Variants in APOL5 observed in about 807,000 individuals in gnomAD.
APOL5 encodes the protein apolipoprotein L5.
APOL5 carries 29 observed loss-of-function variants against 35.5 expected under a neutral mutation model. The ratio of observed to expected loss-of-function variants is 0.82; its 90% confidence interval spans 0.61 to 1.11. The LOEUF (loss-of-function observed/expected upper bound fraction) is 1.11. Ranked by LOEUF, APOL5 falls within the 50% of genes most tolerant of loss-of-function variation. The pLI, the probability that APOL5 is intolerant of heterozygous loss-of-function variation, is 0.00. For missense variants in APOL5, 514 were observed against 530.4 expected, an observed-to-expected ratio of 0.97 and a Z score of 0.30; for synonymous variants, 188 against 200.2, an observed-to-expected ratio of 0.94 and a Z score of 0.51.
At chr22:35,708,651 T>G in the APOL5 span, among the ~76,000 whole-genome samples, 4 of 152,154 alleles carry the variant, frequency 2.6e-5, no homozygotes, top group African/African-American at 9.7e-5. Context: ...TGGTTACAGT[T>G]CTGTTCCAAG....
rs370593513 is a variant in APOL5 at position 35,726,884 on chromosome 22, G to A, written c.816G>A (p.Thr272=). The A allele has an allele frequency of 4.0e-5, 64 of 1,614,216 alleles. No homozygotes were observed. In the African/African-American group the frequency reaches 5.2e-4, roughly 13 times the overall value. The part of the protein sequence containing the change: ...FVAKRHIPFW[T]ARGVQRAFEG... Reference sequence around the variant, plus strand: ...CCAAGAGACACATCCCTTTCTGGACGGCTAGAGGGGTGCAGAGAGCCTTTG... The same window carrying A: ...CCAAGAGACACATCCCTTTCTGGACAGCTAGAGGGGTGCAGAGAGCCTTTG... The change falls in exon 3 of 5, where the codon ACG becomes ACA. Residue 272 remains threonine (T), a synonymous_variant. Transcript: ENST00000249044.
chr22:35,726,455 C>T lies in APOL5; in HGVS notation c.387C>T (p.Thr129=). The T allele has an allele frequency of 6.2e-7, 1 of 1,614,112 alleles. No homozygotes were observed. The change falls in exon 3 of 5, where the codon ACC becomes ACT. Residue 129 remains threonine, a synonymous_variant. Transcript: ENST00000249044. ...ELNTLADQVD[T]THELLTKTSL... ...ACACCCTTGCGGACCAAGTTGACAC[C>T]ACTCACGAGTTGCTTACCAAGACCA...
upstream of APOL5, among the ~76,000 whole-genome samples, chr22:35,717,235 A>AAAAAATATAT: frequency 3.5e-4 from 20 of 57,662 alleles, no homozygotes; most frequent in African/African-American, 1.5e-3. Context: ...AAAAAAAAAA[A>AAAAAATATAT]ATATATATAT....
At chr22:35,728,284 C>T (rs1490476888) in intron 3 of APOL5, among the ~76,000 whole-genome samples, 2 of 152,130 alleles carry the variant, frequency 1.3e-5, no homozygotes, top group Non-Finnish European at 2.9e-5. Flanking sequence ...AGTGCAGTGG[C>T]GCCATCTTGG....
chr22:35,716,183 C>T (rs963736803), upstream of APOL5, among the ~76,000 whole-genome samples: 8 of 152,176 alleles, frequency 5.3e-5, no homozygotes, highest in African/African-American at 1.7e-4. Context: ...TGGCAGCATT[C>T]CCTGCACCAA....
upstream of APOL5, among the ~76,000 whole-genome samples, chr22:35,713,652 C>G (rs935468607): frequency 6.6e-6 from 1 of 152,194 alleles, no homozygotes; most frequent in African/African-American, 2.4e-5. Context: ...CTCTTCCGGC[C>G]TAGGATCCAT....
the APOL5 span, among the ~76,000 whole-genome samples, chr22:35,710,448 T>C: frequency 2.0e-5 from 3 of 151,988 alleles, no homozygotes; most frequent in South Asian, 4.2e-4. Flanking sequence ...AACCCCTTTT[T>C]GTCTATATAC....
At chr22:35,727,329 C>T (rs1223038918) in intron 3 of APOL5, 135 bp downstream of exon 3, 6 of 1,315,060 alleles carry the variant, frequency 4.6e-6, no homozygotes, top group African/African-American at 2.9e-5. Flanking sequence ...GAGGACTTGC[C>T]GCACACCCCT....
At chr22:35,720,487 C>T in intron 1 of APOL5, 81 bp from the exon 2 acceptor site, 3 of 1,228,588 alleles carry the variant, frequency 2.4e-6, no homozygotes, top group East Asian at 2.3e-5. Context: ...ATTAGACAGC[C>T]AACTTTCCCG....
chr22:35,711,046 G>A, the APOL5 span, among the ~76,000 whole-genome samples: 7 of 152,142 alleles, frequency 4.6e-5, no homozygotes, highest in Admixed American at 6.5e-5. Flanking sequence ...GCACATGCCC[G>A]TAATCCCCAG....
At chr22:35,710,723 G>A in the APOL5 span, among the ~76,000 whole-genome samples, 1 of 151,970 alleles carries the variant, frequency 6.6e-6, no homozygotes, top group East Asian at 1.9e-4. Flanking sequence ...CCCAGCCCCT[G>A]GCAACCACGA....
In APOL5 at chr22:35,720,630, G is replaced by A; in HGVS notation, c.118G>A (p.Gly40Arg). The change falls in exon 2 of 5, where the codon GGG (glycine) becomes AGG (arginine). Residue 40 changes from glycine to arginine, a missense_variant. By Grantham distance (125) the Gly-to-Arg change is moderately radical (BLOSUM62 -2). This residue lies in a region of APOL5 where 254 missense variants were observed against 254.7 expected (regional missense o/e 1.00). Transcript: ENST00000249044. Reference protein sequence around the residue: ...RKVIYGGEVWGKSPEPEFPSL... With the variant: ...RKVIYGGEVWRKSPEPEFPSL... ...GGTAATCTACGGAGGTGAGGTCTGG[G>A]GGAAGTCCCCAGAACCTGAGTTCCG... The A allele has an allele frequency of 6.2e-7, 1 of 1,613,940 alleles. No homozygotes were observed. The highest frequency in any genetic ancestry group is 2.2e-5 in the East Asian group (1 of 44,872).
chr22:35,720,448 T>TAA, intron 1 of APOL5, 120 bp from the exon 2 acceptor site: 1 of 641,354 alleles, frequency 1.6e-6, no homozygotes, highest in Non-Finnish European at 2.6e-6. Flanking sequence ...TGTTGTATTC[T>TAA]TTTTTTTTTC....
intron 2 of APOL5, among the ~76,000 whole-genome samples, chr22:35,723,040 G>A (rs1927028074): frequency 6.6e-6 from 1 of 152,188 alleles, no homozygotes. Context: ...AAGGATGTCA[G>A]AAGGCCCCTC....
At chr22:35,717,855 T>C (rs750764405), upstream of APOL5, 1 of 1,553,254 alleles carries the variant, frequency 6.4e-7, no homozygotes, top group Non-Finnish European at 8.7e-7. Context: ...AAGCTTAAAT[T>C]TTAAAAAATC....
At chr22:35,725,220 CAA>C (rs1377438654) in intron 2 of APOL5, among the ~76,000 whole-genome samples, 1 of 152,138 alleles carries the variant, frequency 6.6e-6, no homozygotes, top group Non-Finnish European at 1.5e-5. Flanking sequence ...TATTATTACT[CAA>C]GTCGGTTTCT....
upstream of APOL5, chr22:35,717,768 G>GGA (rs3075240): frequency 0.31 from 126,084 of 405,772 alleles, 25,795 homozygotes; most frequent in African/African-American, 0.59. Context: ...GAAAAGAAAA[G>GGA]AAAAAAAAAT....
the APOL5 span, among the ~76,000 whole-genome samples, chr22:35,709,608 T>A: frequency 6.6e-6 from 1 of 151,990 alleles, no homozygotes; most frequent in African/African-American, 2.4e-5. Context: ...TCTAGAAATA[T>A]TTCTTCAATT....
chr22:35,726,884 G>T lies in APOL5; in HGVS notation c.816G>T (p.Thr272=), dbSNP rs370593513. The T allele has an allele frequency of 6.2e-7, 1 of 1,614,216 alleles. No individual in the cohort carries two copies. Among genetic ancestry groups the T allele is most frequent in the Admixed American group, 1.7e-5 (1 of 60,024 alleles). The part of the protein sequence containing the change: ...FVAKRHIPFW[T]ARGVQRAFEG... ...CCAAGAGACACATCCCTTTCTGGAC[G>T]GCTAGAGGGGTGCAGAGAGCCTTTG... The change falls in exon 3 of 5, where the codon ACG becomes ACT. Residue 272 remains threonine (T), a synonymous_variant. Transcript: ENST00000249044.
Sources: gnomAD v4.1 joint callset for allele counts (sites outside exome capture counted in the v4.1 genomes callset) on GRCh38, gnomAD v4.1.1 for gene constraint, gnomAD v4.1.1 regional missense constraint, MANE v1.5 for transcripts, NCBI Gene and HGNC (gene_info 2026-07-23, HGNC 2026-07-21) for gene names.